GPHN: variants seen among roughly 807,000 people sequenced by gnomAD.
GPHN encodes gephyrin.
GPHN carries 17 observed loss-of-function variants against 95.5 expected under a neutral mutation model. The ratio of observed to expected loss-of-function variants is 0.18; its 90% confidence interval spans 0.12 to 0.27. The LOEUF is 0.27. Ranked by LOEUF, GPHN falls within the 10% of genes least tolerant of loss-of-function variation. The pLI is 1.00. For synonymous variants in GPHN, 320 were observed against 322.5 expected, an observed-to-expected ratio of 0.99 and a Z score of 0.08; for missense variants, 660 against 978.1, an observed-to-expected ratio of 0.67 and a Z score of 4.34.
the GPHN span, chr14:67,199,450 C>G: frequency 6.2e-7 from 1 of 1,612,912 alleles, no homozygotes; most frequent in Non-Finnish European, 8.5e-7. Flanking sequence ...TACAAACCCC[C>G]AAGATTATGT....
chr14:67,685,352 T>C, the GPHN span: 1 of 619,146 alleles, frequency 1.6e-6, no homozygotes, highest in African/African-American at 1.9e-5. Flanking sequence ...CACAGTAATT[T>C]ATACTTCCAT....
chr14:67,577,392 C>T, the GPHN span: 91 of 1,585,628 alleles, frequency 5.7e-5, 2 homozygotes, highest in South Asian at 8.2e-4. Context: ...GCCTTGCAGA[C>T]GGAGGCCCTC....
intron 18 of GPHN, among the ~76,000 whole-genome samples, chr14:67,157,669 C>G (rs551359397): frequency 2.0e-5 from 3 of 151,632 alleles, no homozygotes; most frequent in East Asian, 2.0e-4. Flanking sequence ...CCTAAAAATA[C>G]AAAAATTCGC....
chr14:66,597,227 A>T (rs1430229017), intron 1 of GPHN, among the ~76,000 whole-genome samples: 25 of 152,216 alleles, frequency 1.6e-4, no homozygotes, highest in Admixed American at 1.6e-3. Flanking sequence ...GATCAAAACA[A>T]AACAAAGGGG....
the GPHN span, chr14:67,387,598 T>TA: frequency 1.2e-6 from 1 of 856,894 alleles, no homozygotes; most frequent in Non-Finnish European, 1.7e-6. Flanking sequence ...AGTTAGAGAA[T>TA]CCTATCAGAT....
At chr14:66,649,296 T>C (rs1267246081) in intron 1 of GPHN, among the ~76,000 whole-genome samples, 3 of 151,732 alleles carry the variant, frequency 2.0e-5, no homozygotes, top group African/African-American at 7.3e-5. Flanking sequence ...ATCACGCCAC[T>C]GCACTCCAAC....
chr14:67,446,935 C>T, the GPHN span: 4 of 152,072 alleles, frequency 2.6e-5, no homozygotes, highest in Middle Eastern at 6.8e-3. Context: ...GCTGCTTTTA[C>T]GCTGCAGTGG....
At chr14:67,650,629 G>A in the GPHN span, 2 of 1,275,648 alleles carry the variant, frequency 1.6e-6, no homozygotes, top group Admixed American at 3.5e-5. Flanking sequence ...TTTTACTTTG[G>A]CTTGTTCTCC....
the GPHN span, among the ~76,000 whole-genome samples, chr14:67,437,043 C>T: frequency 6.6e-6 from 1 of 152,198 alleles, no homozygotes; most frequent in African/African-American, 2.4e-5. Flanking sequence ...GTGATGCAGC[C>T]AGACCCTGTC....
Position 66,651,948 on chromosome 14 carries a change from A to G in GPHN, c.65-29159A>G, listed in dbSNP as rs112480781. ...TATATTACAATGTAATAATAGAAAT[A>G]AAGTACACAATAAATATAATGTGCT... On this transcript the variant is annotated intron_variant, in intron 1 of 22. Transcript: ENST00000478722. 3.6e-3 allele frequency among the ~76,000 whole-genome samples: 550 copies of G among 152,242 alleles called. 11 individuals are homozygous for G. The highest frequency in any genetic ancestry group is 0.013 in the African/African-American group (524 of 41,546).
At chr14:67,342,589 C>G in the GPHN span, among the ~76,000 whole-genome samples, 192 of 142,974 alleles carry the variant, frequency 1.3e-3, no homozygotes, top group African/African-American at 4.8e-3. Flanking sequence ...CTTCCACTTT[C>G]ATGTACAAGG....
Position 66,798,322 on chromosome 14 carries a change from T to C in GPHN, c.201+21801T>C, listed in dbSNP as rs540682046. 2.4e-3 allele frequency among the ~76,000 whole-genome samples: 366 copies of C among 151,956 alleles called. 3 individuals are homozygous for C. Among genetic ancestry groups the C allele is most frequent in the African/African-American group, 8.3e-3 (344 of 41,526 alleles). ...GTTTGGTCTTAGTATCAGGGTAATA[T>C]TAGCCTCACACAATGAATTTAGAAG... On this transcript the variant is annotated intron_variant, in intron 3 of 22. Transcript: ENST00000478722.
At chr14:66,808,105 GTTT>G (rs1009066468) in intron 3 of GPHN, among the ~76,000 whole-genome samples, 71 of 152,230 alleles carry the variant, frequency 4.7e-4, no homozygotes, top group African/African-American at 1.6e-3. Flanking sequence ...AGCAAAATAT[GTTT>G]TTAAGTTTTT....
chr14:67,610,129 C>A, the GPHN span, among the ~76,000 whole-genome samples: 1 of 152,060 alleles, frequency 6.6e-6, no homozygotes, highest in Non-Finnish European at 1.5e-5. Flanking sequence ...AGGCGCCAGT[C>A]TATGGTCCGG....
At chr14:67,445,577 CTTTTTTTT>C in the GPHN span, among the ~76,000 whole-genome samples, 9 of 59,936 alleles carry the variant, frequency 1.5e-4, no homozygotes, top group South Asian at 2.7e-3. Context: ...AGAGGCAATT[CTTTTTTTT>C]TTTTTTTTTT....
At chr14:67,420,573 A>T in the GPHN span, among the ~76,000 whole-genome samples, 2 of 152,176 alleles carry the variant, frequency 1.3e-5, no homozygotes, top group Non-Finnish European at 2.9e-5. Context: ...AAAGGCCCTA[A>T]ATCTCAGGAC....
chr14:66,932,629 C>T (rs1008870961), intron 8 of GPHN, among the ~76,000 whole-genome samples: 5 of 150,150 alleles, frequency 3.3e-5, no homozygotes, highest in South Asian at 2.1e-4. Flanking sequence ...TTCTCCTTTC[C>T]TCAAGCAGAA....
chr14:67,202,530 T>G, the GPHN span, among the ~76,000 whole-genome samples: 1 of 152,256 alleles, frequency 6.6e-6, no homozygotes, highest in Non-Finnish European at 1.5e-5. Context: ...ATCATTCCTA[T>G]TCTTTTACTA....
chr14:67,056,907 C>T (rs146418755), intron 10 of GPHN, among the ~76,000 whole-genome samples: 15 of 152,316 alleles, frequency 9.8e-5, no homozygotes, highest in South Asian at 4.1e-4. Flanking sequence ...CGGGCGCTCG[C>T]GGGTCGGCAA....
Sources: allele counts gnomAD v4.1 joint callset (sites outside exome capture counted in the v4.1 genomes callset), GRCh38; gene constraint gnomAD v4.1.1; transcripts MANE v1.5; gene names NCBI Gene and HGNC (gene_info 2026-07-23, HGNC 2026-07-21).